Variants in ANKS1B observed in about 807,000 individuals in gnomAD.
The protein encoded by ANKS1B is ankyrin repeat and sterile alpha motif domain containing 1B, also known as ankyrin repeat and sterile alpha motif domain-containing protein 1B.
A neutral mutation model predicts 148.3 loss-of-function variants in ANKS1B; 36 were observed. The ratio of observed to expected loss-of-function variants is 0.24; its 90% CI spans 0.19 to 0.32. ANKS1B has a LOEUF of 0.32. ANKS1B is among the 10% of genes least tolerant of loss of function. The probability of loss-of-function intolerance (pLI) is 1.00; values close to 1 mark genes in which losing one functional copy is unlikely to be tolerated. For synonymous variants in ANKS1B, 542 were observed against 560.8 expected, an observed-to-expected ratio of 0.97 and a Z score of 0.47; for missense variants, 1,157 against 1,542.6, an observed-to-expected ratio of 0.75 and a Z score of 4.19.
chr12:99,144,295 T>G (rs2072157987), intron 15 of ANKS1B, among the ~76,000 whole-genome samples: 1 of 151,830 alleles, frequency 6.6e-6, no homozygotes, highest in Non-Finnish European at 1.5e-5. Context: ...ATGGAAAGAG[T>G]GTAGGGCTAG....
chr12:99,320,685 C>G (rs1326468586), intron 12 of ANKS1B, among the ~76,000 whole-genome samples: 1 of 152,178 alleles, frequency 6.6e-6, no homozygotes, highest in Non-Finnish European at 1.5e-5. Context: ...TCATCTGAAG[C>G]CTTCTTCTCT....
rs375612029 is a variant in ANKS1B at position 98,898,801 on chromosome 12, C to T, written c.2779-66665G>A. ...TAATATTGTTTCCTGCAAAGTGAGA[C>T]AGTAGAAAAAACTCTTATGGTACCA... On this transcript the variant is annotated intron_variant, in intron 17 of 26. Transcript: ENST00000683438. Among the ~76,000 whole-genome samples the T allele has an allele frequency of 9.2e-5, 14 of 152,204 alleles. 1 individual carries two copies. The highest frequency in any genetic ancestry group is 3.1e-4 in the African/African-American group (13 of 41,532).
At chr12:99,171,127 T>C (rs1223855639) in intron 14 of ANKS1B, among the ~76,000 whole-genome samples, 1 of 152,234 alleles carries the variant, frequency 6.6e-6, no homozygotes, top group East Asian at 1.9e-4. Flanking sequence ...GTGAATAGTA[T>C]TCATTTCTGT....
intron 17 of ANKS1B, among the ~76,000 whole-genome samples, chr12:99,032,115 C>G (rs1193466267): frequency 6.6e-6 from 1 of 152,130 alleles, no homozygotes; most frequent in Non-Finnish European, 1.5e-5. Flanking sequence ...GTGCCCAAAC[C>G]CTCATGGGGG....
At chr12:99,949,811 C>A (rs1362188587) in intron 1 of ANKS1B, among the ~76,000 whole-genome samples, 2 of 152,182 alleles carry the variant, frequency 1.3e-5, no homozygotes, top group African/African-American at 4.8e-5. Context: ...CGTGTCCACT[C>A]ATTTACGGAT....
chr12:99,835,001 CTACTGAT>C (rs1463539022), intron 1 of ANKS1B, among the ~76,000 whole-genome samples: 2 of 152,126 alleles, frequency 1.3e-5, no homozygotes, highest in Non-Finnish European at 2.9e-5. Context: ...TGTACATATG[CTACTGAT>C]TACTACAAGT....
chr12:99,540,707 A>T (rs2097116506), intron 9 of ANKS1B, among the ~76,000 whole-genome samples: 1 of 152,126 alleles, frequency 6.6e-6, no homozygotes, highest in Non-Finnish European at 1.5e-5. Flanking sequence ...TTAAAAAGAC[A>T]TAAGTCAATT....
intron 9 of ANKS1B, among the ~76,000 whole-genome samples, chr12:99,575,610 T>TATCAAATCATCAG (rs1430526904): frequency 3.3e-5 from 5 of 152,028 alleles, no homozygotes. Context: ...GGAAACCCCT[T>TATCAAATCATCAG]ATCAAATCAT....
chr12:98,747,532 G>A (rs1187241724), intron 26 of ANKS1B, among the ~76,000 whole-genome samples: 5 of 152,184 alleles, frequency 3.3e-5, no homozygotes, highest in Non-Finnish European at 5.9e-5. Context: ...AAGGCACTAT[G>A]GAGAATAGCA....
At chr12:99,941,365 C>A (rs2094913443) in intron 1 of ANKS1B, among the ~76,000 whole-genome samples, 1 of 149,250 alleles carries the variant, frequency 6.7e-6, no homozygotes, top group Non-Finnish European at 1.5e-5. Context: ...TGGCAGACTA[C>A]AAAAAAGATA....
At chr12:99,042,184 A>C (rs2099959485) in intron 17 of ANKS1B, among the ~76,000 whole-genome samples, 1 of 152,168 alleles carries the variant, frequency 6.6e-6, no homozygotes, top group African/African-American at 2.4e-5. Context: ...TTGAGAGGTG[A>C]ACTATATCCT....
chr12:99,551,541 AGGGG>A (rs2097218250), intron 9 of ANKS1B, among the ~76,000 whole-genome samples: 35 of 2,618 alleles, frequency 0.013, 1 homozygote, highest in African/African-American at 0.05. Context: ...AGGGGAGGGG[AGGGG>A]AGGGGAGGGG....
intron 11 of ANKS1B, among the ~76,000 whole-genome samples, chr12:99,413,596 C>A (rs1409630350): frequency 6.6e-6 from 1 of 152,156 alleles, no homozygotes; most frequent in Non-Finnish European, 1.5e-5. Context: ...ATGCATTAAA[C>A]TCTTACAGTC....
chr12:99,085,681 C>T (rs975615946), intron 15 of ANKS1B, among the ~76,000 whole-genome samples: 2 of 152,182 alleles, frequency 1.3e-5, no homozygotes, highest in Admixed American at 6.5e-5. Flanking sequence ...TACTGTGCAG[C>T]CATAGAAAAG....
At chr12:98,826,897 G>A (rs1251888336) in intron 19 of ANKS1B, among the ~76,000 whole-genome samples, 1 of 152,088 alleles carries the variant, frequency 6.6e-6, no homozygotes, top group Non-Finnish European at 1.5e-5. Context: ...AAAAAGTATG[G>A]TCTAGAGAGA....
Position 99,327,231 on chromosome 12 carries a change from TATA to T in ANKS1B, c.1756+72397_1756+72399del, listed in dbSNP as rs1220368967. ...TCTATTATATAATATAATTTATAAT[TATA>T]ATAATTATAATTTATTATAATTATA... On this transcript the variant is annotated intron_variant, in intron 12 of 26. Transcript: ENST00000683438. Among the ~76,000 whole-genome samples, 153 of 108,678 alleles carry T rather than the reference TATA, an allele frequency of 1.4e-3. 2 individuals are homozygous for T. The highest frequency in any genetic ancestry group is 4.7e-3 in the African/African-American group (129 of 27,386). The allele number at this position is 108,678 out of a possible 152,430, so 71.3% of individuals were successfully genotyped here.
chr12:99,655,313 A>G, intron 8 of ANKS1B, 103 bp from the exon 9 acceptor site: 1 of 1,044,668 alleles, frequency 9.6e-7, no homozygotes, highest in South Asian at 2.0e-5. Context: ...CTCGGCAAAC[A>G]AGTCAGCTCA....
chr12:98,963,455 G>A (rs564783000), intron 17 of ANKS1B, among the ~76,000 whole-genome samples: 1 of 152,244 alleles, frequency 6.6e-6, no homozygotes, highest in East Asian at 1.9e-4. Flanking sequence ...TGGGATTACA[G>A]GGATGAGCTA....
rs142076546 is a variant in ANKS1B, at chr12:99,310,628, T to G, written c.1757-63764A>C. ...TACCTTAGGACAGGAACTACATCAC[T>G]GGCTCTCACGGTTTTCAGGCCTTCA... On this transcript the variant is annotated intron_variant, in intron 12 of 26. Transcript: ENST00000683438. Among the ~76,000 whole-genome samples, 1,287 of 152,264 alleles carry G rather than the reference T, an allele frequency of 8.5e-3. 15 individuals are homozygous for G. Among genetic ancestry groups the G allele is most frequent in the Middle Eastern group, 0.024 (7 of 294 alleles).
Sources: allele counts gnomAD v4.1 joint callset (sites outside exome capture counted in the v4.1 genomes callset), GRCh38; gene constraint gnomAD v4.1.1; transcripts MANE v1.5; gene names NCBI Gene and HGNC (gene_info 2026-07-23, HGNC 2026-07-21).